INSR: variants seen among roughly 807,000 people sequenced by gnomAD.
INSR encodes the protein IR.
INSR carries 67 observed loss-of-function variants against 142.6 expected under a neutral mutation model. The observed-to-expected ratio is 0.47, with a 90% CI of 0.39 to 0.58. The LOEUF is 0.58. Ranked by LOEUF, INSR falls within the 20% of genes least tolerant of loss-of-function variation. INSR has a pLI of 0.00. For synonymous variants in INSR, 756 were observed against 743.1 expected (o/e 1.02, Z -0.28); for missense variants, 1,248 against 1,833.2 (o/e 0.68, Z 5.83).
chr19:7,119,854 G>A lies in INSR; in HGVS notation c.3660-271C>T, dbSNP rs77057545. On this transcript the variant is annotated intron_variant, in intron 20 of 21. Coordinates refer to ENST00000302850, the MANE Select transcript of INSR (RefSeq NM_000208.4). This position sits in a 1 kb window ranked among gnomAD's most constrained non-coding sequence, Gnocchi z 5.2. ...AACACACACACCCAAACACACACAC[G>A]CACACACATGCAAACACACACAAAC... 2.0e-5 allele frequency among the ~76,000 whole-genome samples: 3 copies of A among 148,248 alleles called. No individual in the cohort carries two copies. Among genetic ancestry groups the A allele is most frequent in the Non-Finnish European group, 3.0e-5 (2 of 66,820 alleles).
At chr19:7,186,237 G>T (rs147492598) in intron 2 of INSR, among the ~76,000 whole-genome samples, 1 of 151,980 alleles carries the variant, frequency 6.6e-6, no homozygotes, top group South Asian at 2.1e-4. Context: ...AAAGAAAGTT[G>T]GGGAGTGTTC....
chr19:7,138,168 G>A (rs1040935802), intron 13 of INSR, among the ~76,000 whole-genome samples: 6 of 151,610 alleles, frequency 4.0e-5, no homozygotes, highest in African/African-American at 1.5e-4. Context: ...GTTTCACCGT[G>A]TTAGCCAGGA....
At chr19:7,248,636 A>C (rs950752345) in intron 2 of INSR, among the ~76,000 whole-genome samples, 2 of 151,400 alleles carry the variant, frequency 1.3e-5, no homozygotes, top group Non-Finnish European at 1.5e-5. Context: ...AGCCCTTCAT[A>C]AATATTCTAA....
intron 2 of INSR, among the ~76,000 whole-genome samples, chr19:7,238,725 C>T (rs894644817): frequency 3.3e-5 from 5 of 151,622 alleles, no homozygotes; most frequent in Non-Finnish European, 5.9e-5. Flanking sequence ...GGGTCCAGGC[C>T]GGAGAACTTT....
intron 9 of INSR, among the ~76,000 whole-genome samples, chr19:7,160,399 G>A (rs908368446): frequency 8.6e-5 from 13 of 151,680 alleles, no homozygotes; most frequent in South Asian, 4.2e-4. Context: ...CACCCGCCTC[G>A]GCCTCCCAAA....
intron 2 of INSR, among the ~76,000 whole-genome samples, chr19:7,265,365 T>C (rs971152603): frequency 5.3e-5 from 8 of 152,014 alleles, no homozygotes; most frequent in Non-Finnish European, 1.5e-5. Flanking sequence ...AGTTAGCTAT[T>C]TGGGAGAGAA....
intron 14 of INSR, among the ~76,000 whole-genome samples, chr19:7,130,680 C>A (rs1972753963): frequency 6.6e-6 from 1 of 152,180 alleles, no homozygotes; most frequent in Non-Finnish European, 1.5e-5. Context: ...CAGATGCCAG[C>A]ATCATGGTTC....
At chr19:7,149,483 C>G (rs533936043) in intron 11 of INSR, among the ~76,000 whole-genome samples, 1 of 152,166 alleles carries the variant, frequency 6.6e-6, no homozygotes, top group Non-Finnish European at 1.5e-5. Context: ...CTTTTTCTCT[C>G]TCCCAGGACC....
intron 2 of INSR, among the ~76,000 whole-genome samples, chr19:7,238,891 GT>G (rs993794160): frequency 7.9e-6 from 1 of 127,272 alleles, no homozygotes; most frequent in South Asian, 2.6e-4. Flanking sequence ...GTAGACCCGT[GT>G]TTTTCCCAGC....
At chr19:7,243,253 T>G (rs572691904) in intron 2 of INSR, among the ~76,000 whole-genome samples, 1,407 of 137,058 alleles carry the variant, frequency 0.01, 55 homozygotes, top group African/African-American at 0.037. Context: ...TTTTTTTTTT[T>G]TTTTTTTTTT....
chr19:7,266,530 C>T (rs755339999), intron 2 of INSR, among the ~76,000 whole-genome samples: 1 of 152,136 alleles, frequency 6.6e-6, no homozygotes, highest in East Asian at 1.9e-4. Flanking sequence ...GGACTACAGG[C>T]GTGCACCGCC....
chr19:7,209,124 C>A (rs1975200447), intron 2 of INSR, among the ~76,000 whole-genome samples: 1 of 152,120 alleles, frequency 6.6e-6, no homozygotes, highest in African/African-American at 2.4e-5. Context: ...TGTGCCACTG[C>A]ATTCCAGCCT....
intron 1 of INSR, among the ~76,000 whole-genome samples, chr19:7,278,830 C>T (rs979778439): frequency 3.9e-5 from 6 of 151,984 alleles, no homozygotes; most frequent in African/African-American, 1.2e-4. Context: ...CCCATGTCTA[C>T]TAAAAATACA....
At position 7,150,611 on chromosome 19, in the gene INSR, C is replaced by CT; in HGVS notation, c.2232-80_2232-79insA. ...CCACTGGGCTCTGACACTTGGAGGC[C>CT]ACATGTGTCCGAGTAAGGGCACCCT... On this transcript the variant is annotated intron_variant, in intron 10 of 21. Coordinates refer to ENST00000302850, the MANE Select transcript of INSR (RefSeq NM_000208.4). This position sits in a 1 kb window ranked among gnomAD's most constrained non-coding sequence, Gnocchi z 4.2. 1.4e-6 allele frequency: 2 copies of CT among 1,400,144 alleles called. No homozygotes were observed. Among genetic ancestry groups the CT allele is most frequent in the Non-Finnish European group, 2.0e-6 (2 of 988,670 alleles). 86.7% of individuals were successfully genotyped at this position (1,400,144 alleles called of 1,614,324 possible).
chr19:7,180,316 A>T (rs757731384), intron 3 of INSR, among the ~76,000 whole-genome samples: 5 of 151,732 alleles, frequency 3.3e-5, no homozygotes, highest in Non-Finnish European at 7.4e-5. Context: ...GATCACTTAA[A>T]CCCAGGAGTT....
At chr19:7,285,141 C>T (rs1299446368) in intron 1 of INSR, among the ~76,000 whole-genome samples, 1 of 151,874 alleles carries the variant, frequency 6.6e-6, no homozygotes, top group Non-Finnish European at 1.5e-5. Context: ...ATAGCGAGCC[C>T]TTATCCCTGC....
chr19:7,143,523 A>G (rs1271077291), intron 11 of INSR, among the ~76,000 whole-genome samples: 1 of 152,200 alleles, frequency 6.6e-6, no homozygotes, highest in Non-Finnish European at 1.5e-5. Flanking sequence ...GATCGACATC[A>G]TCAGTTTAAA....
At position 7,184,751 on chromosome 19, in the gene INSR, A is replaced by G. The variant is rs891088; in HGVS notation, c.653-114T>C. The G allele has an allele frequency of 0.28, 218,528 of 777,212 alleles. 34,904 individuals are homozygous for G. Among genetic ancestry groups the G allele is most frequent in the African/African-American group, 0.46 (25,790 of 56,658 alleles). The allele number at this position is 777,212 out of a possible 1,614,324, so 48.1% of individuals were successfully genotyped here. ...TCTGCATATGCAGCAATTCTGGATC[A>G]GACAGTGAAAGCCAACCAAACACTA... On this transcript the variant is annotated intron_variant, in intron 2 of 21. Coordinates refer to ENST00000302850, the MANE Select transcript of INSR (RefSeq NM_000208.4).
rs1424523294 is a variant in INSR, at chr19:7,146,236, C to CCTTTTTTTTTTTTTTTTTTTTTTT, written c.2268-3147_2268-3146insAAAAAAAAAAAAAAAAAAAAAAAG. On this transcript the variant is annotated intron_variant, in intron 11 of 21. Transcript: ENST00000302850. ...TTCAGTGCAGTATCTTTGTCAAGTT[C>CCTTTTTTTTTTTTTTTTTTTTTTT]TTTTTTTTTTTTTTTTTTTTTTGAG... 6.3e-5 allele frequency among the ~76,000 whole-genome samples: 7 copies of CCTTTTTTTTTTTTTTTTTTTTTTT among 110,756 alleles called. 3 individuals are homozygous for CCTTTTTTTTTTTTTTTTTTTTTTT. The highest frequency in any genetic ancestry group is 3.8e-5 in the Non-Finnish European group (2 of 53,232). 72.7% of individuals were successfully genotyped at this position (110,756 alleles called of 152,430 possible).
Sources: allele counts gnomAD v4.1 joint callset (sites outside exome capture counted in the v4.1 genomes callset), GRCh38; gene constraint gnomAD v4.1.1; non-coding constraint Gnocchi (gnomAD v3.1); transcripts MANE v1.5; gene names NCBI Gene and HGNC (gene_info 2026-07-23, HGNC 2026-07-21).